Variants in OTUD7A observed in about 807,000 individuals in gnomAD.
OTUD7A encodes OTU deubiquitinase 7A, also known as OTU domain-containing protein 7A.
OTUD7A carries 12 observed loss-of-function variants against 65.7 expected under a neutral mutation model. The ratio of observed to expected loss-of-function variants is 0.18; its 90% CI spans 0.12 to 0.30. OTUD7A has a LOEUF of 0.30. Ranked by LOEUF, OTUD7A falls within the 10% of genes least tolerant of loss-of-function variation. The probability of loss-of-function intolerance (pLI) is 1.00; values close to 1 mark genes in which losing one functional copy is unlikely to be tolerated. For missense variants in OTUD7A, 1,148 were observed against 1,304.8 expected, an observed-to-expected ratio of 0.88 and a Z score of 1.85; for synonymous variants, 641 against 586.3, an observed-to-expected ratio of 1.09 and a Z score of -1.35.
intron 1 of OTUD7A, among the ~76,000 whole-genome samples, chr15:31,661,947 T>C (rs929581784): frequency 2.6e-5 from 4 of 152,214 alleles, no homozygotes; most frequent in Non-Finnish European, 5.9e-5. Context: ...GAGTTTTCTA[T>C]CATCTGGCTT....
chr15:31,766,724 A>T (rs1479474501), intron 1 of OTUD7A: 1 of 1,609,772 alleles, frequency 6.2e-7, no homozygotes, highest in Non-Finnish European at 8.5e-7. Context: ...ATCAAAGTAG[A>T]GGTTCTCTTA....
intron 3 of OTUD7A, among the ~76,000 whole-genome samples, chr15:31,603,238 A>T (rs1165060105): frequency 6.6e-6 from 1 of 151,948 alleles, no homozygotes; most frequent in African/African-American, 2.4e-5. Flanking sequence ...CTGGTACCAA[A>T]ACAGATATAT....
intron 1 of OTUD7A, among the ~76,000 whole-genome samples, chr15:31,852,312 A>G (rs2047801): frequency 0.95 from 144,928 of 152,268 alleles, 69,365 homozygotes; most frequent in East Asian, 1. Context: ...GCCAGGCTGA[A>G]GGGAAATCTT....
chr15:31,584,374 C>T (rs926951771), intron 3 of OTUD7A, among the ~76,000 whole-genome samples: 1 of 152,196 alleles, frequency 6.6e-6, no homozygotes, highest in Non-Finnish European at 1.5e-5. Context: ...ATCCTGAGAA[C>T]ACTTAAGTGG....
intron 1 of OTUD7A, among the ~76,000 whole-genome samples, chr15:31,790,454 C>A (rs1303302128): frequency 3.9e-5 from 6 of 152,054 alleles, no homozygotes; most frequent in Non-Finnish European, 7.4e-5. Flanking sequence ...TGTTTTGATT[C>A]AAAAACTAGA....
At position 31,803,789 on chromosome 15, in the gene OTUD7A, A is replaced by C. The variant is rs184318648; in HGVS notation, c.-100+66718T>G. Among the ~76,000 whole-genome samples, 9 of 152,338 alleles carry C rather than the reference A, an allele frequency of 5.9e-5. No individual in the cohort carries two copies. The East Asian group carries it at 1.7e-3, about 29-fold the overall frequency. ...TAATGCAGTGACCTCCAGAGCAAACAAACAGCCCTGGTGGGGTAGGGGACA... is the reference window on the plus strand; with the variant it reads ...TAATGCAGTGACCTCCAGAGCAAACCAACAGCCCTGGTGGGGTAGGGGACA... On this transcript the variant is annotated intron_variant, in intron 1 of 12. Coordinates refer to ENST00000307050, the MANE Select transcript of OTUD7A (RefSeq NM_001382637.1).
intron 1 of OTUD7A, among the ~76,000 whole-genome samples, chr15:31,865,693 G>C (rs1294578352): frequency 6.6e-6 from 1 of 152,108 alleles, no homozygotes; most frequent in Non-Finnish European, 1.5e-5. Context: ...CTCACTCCAG[G>C]CAGCCACCTC....
intron 1 of OTUD7A, among the ~76,000 whole-genome samples, chr15:31,755,037 T>G (rs1182780775): frequency 3.3e-5 from 5 of 149,762 alleles, no homozygotes; most frequent in African/African-American, 1.2e-4. Flanking sequence ...GTGTGTGTGA[T>G]TATGTGTGTG....
At chr15:31,695,511 C>CT (rs1367696558) in intron 1 of OTUD7A, among the ~76,000 whole-genome samples, 2 of 141,394 alleles carry the variant, frequency 1.4e-5, no homozygotes, top group Non-Finnish European at 3.1e-5. Flanking sequence ...GCTAGCAAAA[C>CT]TTTAGTTTAT....
At chr15:31,781,306 G>A (rs1261352631) in intron 1 of OTUD7A, among the ~76,000 whole-genome samples, 1 of 152,136 alleles carries the variant, frequency 6.6e-6, no homozygotes, top group African/African-American at 2.4e-5. Flanking sequence ...GCCAAGCCAC[G>A]TGTAGAGGCC....
chr15:31,819,531 T>C (rs1044547289), intron 1 of OTUD7A, among the ~76,000 whole-genome samples: 1 of 152,188 alleles, frequency 6.6e-6, no homozygotes, highest in African/African-American at 2.4e-5. Flanking sequence ...GCTAAATAAA[T>C]AAAATCTGGA....
chr15:31,548,449 A>G (rs1236031226), intron 5 of OTUD7A, among the ~76,000 whole-genome samples: 1 of 152,066 alleles, frequency 6.6e-6, no homozygotes, highest in Non-Finnish European at 1.5e-5. Flanking sequence ...ATCCTGAGGG[A>G]AAGGATGACA....
intron 1 of OTUD7A, among the ~76,000 whole-genome samples, chr15:31,834,291 C>G (rs1428951312): frequency 6.6e-6 from 1 of 152,220 alleles, no homozygotes; most frequent in African/African-American, 2.4e-5. Context: ...CAGAAAGGAA[C>G]AGAACAGGAA....
At chr15:31,672,963 A>G (rs568893144) in intron 1 of OTUD7A, among the ~76,000 whole-genome samples, 1 of 152,348 alleles carries the variant, frequency 6.6e-6, no homozygotes, top group Admixed American at 6.5e-5. Context: ...GGTTCCTCCT[A>G]TGACAGCAAG....
intron 1 of OTUD7A, among the ~76,000 whole-genome samples, chr15:31,762,018 TGGGTAAGAATTTCTTTTTG>T (rs1894978392): frequency 6.6e-6 from 1 of 152,188 alleles, no homozygotes; most frequent in Non-Finnish European, 1.5e-5. Context: ...TCACTGGTAA[TGGGTAAGAATTTCTTTTTG>T]GGGTAATGAA....
intron 1 of OTUD7A, among the ~76,000 whole-genome samples, chr15:31,804,642 G>A (rs978279043): frequency 2.0e-5 from 3 of 152,186 alleles, no homozygotes; most frequent in African/African-American, 7.2e-5. Context: ...GTGCTGGGGA[G>A]GGGTGGGGCA....
chr15:31,823,035 A>C lies in OTUD7A; in HGVS notation c.-100+47472T>G, dbSNP rs186269913. Among the ~76,000 whole-genome samples, 4 of 152,342 alleles carry C rather than the reference A, an allele frequency of 2.6e-5. No homozygotes were observed. In the East Asian group the frequency reaches 7.7e-4, roughly 29 times the overall value. On this transcript the variant is annotated intron_variant, in intron 1 of 12. Transcript: ENST00000307050. ...CATGCATTTCAAGGGGTTGGAGAAT[A>C]ATGTTCAAAGGATGTTCCAGCTACA...
intron 1 of OTUD7A, among the ~76,000 whole-genome samples, chr15:31,746,663 AT>A (rs1371671036): frequency 6.6e-6 from 1 of 151,900 alleles, no homozygotes; most frequent in Non-Finnish European, 1.5e-5. Flanking sequence ...CACCAGGCTA[AT>A]TTTGTATTTT....
chr15:31,715,010 C>T (rs1893546821), intron 1 of OTUD7A, among the ~76,000 whole-genome samples: 1 of 81,406 alleles, frequency 1.2e-5, no homozygotes, highest in Non-Finnish European at 3.3e-5. Context: ...GTGGTGGGCA[C>T]CTGTAGTCCC....
Sources: allele counts gnomAD v4.1 joint callset (sites outside exome capture counted in the v4.1 genomes callset), GRCh38; gene constraint gnomAD v4.1.1; transcripts MANE v1.5; gene names NCBI Gene and HGNC (gene_info 2026-07-23, HGNC 2026-07-21).